Variants in PPP4R4 observed in about 807,000 individuals in gnomAD.
PPP4R4 encodes protein phosphatase 4 regulatory subunit 4.
A neutral mutation model predicts 121.8 loss-of-function variants in PPP4R4; 70 were observed. The ratio of observed to expected loss-of-function variants is 0.57; its 90% CI spans 0.47 to 0.70. PPP4R4 has a LOEUF of 0.70. Ranked by LOEUF, PPP4R4 falls within the 30% of genes least tolerant of loss-of-function variation. The pLI, the probability that PPP4R4 is intolerant of heterozygous loss-of-function variation, is 0.00. For synonymous variants in PPP4R4, 348 were observed against 355.7 expected (o/e 0.98, Z 0.24); for missense variants, 875 against 1,033.6 (o/e 0.85, Z 2.10).
At position 94,198,028 on chromosome 14, in the gene PPP4R4, G is replaced by T. The variant is rs191374949; in HGVS notation, c.192-10436G>T. Among the ~76,000 whole-genome samples, 199 of 152,272 alleles carry T rather than the reference G, an allele frequency of 1.3e-3. 1 individual carries two copies. The Middle Eastern group carries it at 0.024, about 18-fold the overall frequency. On this transcript the variant is annotated intron_variant, in intron 2 of 24. Transcript: ENST00000304338. ...CATTAAAGTGTTTATGTGAACATAT[G>T]CTGTTATTTCCCTTGGATAAATGTC... is the stretch of plus-strand genomic sequence containing the variant.
At chr14:94,190,650 T>G (rs992858279) in intron 2 of PPP4R4, among the ~76,000 whole-genome samples, 1 of 152,014 alleles carries the variant, frequency 6.6e-6, no homozygotes, top group African/African-American at 2.4e-5. Flanking sequence ...TTAAAGGAAT[T>G]TTTACTGCTA....
chr14:94,226,584 A>T lies in PPP4R4; in HGVS notation c.295-4003A>T, dbSNP rs147216027. Among the ~76,000 whole-genome samples the T allele has an allele frequency of 3.4e-3, 511 of 152,214 alleles. 4 individuals carry two copies. Among genetic ancestry groups the T allele is most frequent in the African/African-American group, 0.012 (493 of 41,546 alleles). The stretch of plus-strand genomic sequence containing the variant: ...ATTATTCATATTTAACCTATTTGAA[A>T]GTCTTTTATAAATATCATGATTTTA... On this transcript the variant is annotated intron_variant, in intron 3 of 24. Transcript: ENST00000304338.
intron 19 of PPP4R4, among the ~76,000 whole-genome samples, chr14:94,261,035 T>C (rs1467817857): frequency 6.6e-6 from 1 of 152,174 alleles, no homozygotes. Context: ...CAGCACCATT[T>C]GTTAAAAAGC....
At chr14:94,189,881 T>C (rs1325069257) in intron 2 of PPP4R4, among the ~76,000 whole-genome samples, 1 of 152,198 alleles carries the variant, frequency 6.6e-6, no homozygotes, top group Non-Finnish European at 1.5e-5. Flanking sequence ...TAAAGCATTA[T>C]TGGATTGTGT....
At chr14:94,183,239 G>A (rs947966057) in intron 2 of PPP4R4, among the ~76,000 whole-genome samples, 3 of 152,042 alleles carry the variant, frequency 2.0e-5, no homozygotes, top group South Asian at 4.2e-4. Flanking sequence ...TGCTTTTAAT[G>A]ATTCTAAGAG....
In PPP4R4 at chr14:94,230,716, C is replaced by A; in HGVS notation, c.424C>A (p.Leu142Met). 1 of 1,613,484 alleles carries A rather than the reference C, an allele frequency of 6.2e-7. No individual in the cohort carries two copies. The highest frequency in any genetic ancestry group is 8.5e-7 in the Non-Finnish European group (1 of 1,179,544). ...ATTCCTCCAAGTCATTCTCCTGCATCTGGAGCACAGGGACACAGGTCAGGG... is the reference window on the plus strand; with the variant it reads ...ATTCCTCCAAGTCATTCTCCTGCATATGGAGCACAGGGACACAGGTCAGGG... ...HSFLQVILLH[L>M]EHRDTGVSNA... The change falls in exon 4 of 25, where the codon CTG becomes ATG. Residue 142 changes from leucine (L) to methionine (M), a missense_variant. Coordinates refer to ENST00000304338, the MANE Select transcript of PPP4R4 (RefSeq NM_058237.2).
intron 19 of PPP4R4, among the ~76,000 whole-genome samples, chr14:94,261,633 T>C (rs767091540): frequency 6.6e-6 from 1 of 152,042 alleles, no homozygotes; most frequent in African/African-American, 2.4e-5. Context: ...GGCATCCTTG[T>C]CTTTTTACTG....
At chr14:94,275,265 A>T in intron 23 of PPP4R4, 109 bp from the exon 24 acceptor site, 1 of 1,255,752 alleles carries the variant, frequency 8.0e-7, no homozygotes, top group South Asian at 1.4e-5. Flanking sequence ...ACCCTCATAA[A>T]ATTGATTTAA....
intron 17 of PPP4R4, among the ~76,000 whole-genome samples, chr14:94,257,903 T>A (rs1893564957): frequency 6.6e-6 from 1 of 152,162 alleles, no homozygotes; most frequent in Non-Finnish European, 1.5e-5. Context: ...GTACAGCTCT[T>A]ATTTTCAGTA....
At chr14:94,208,830 G>A (rs952053788) in intron 3 of PPP4R4, among the ~76,000 whole-genome samples, 1 of 151,308 alleles carries the variant, frequency 6.6e-6, no homozygotes, top group Non-Finnish European at 1.5e-5. Context: ...GTTTTTAGTA[G>A]CTCAAAAACA....
chr14:94,195,686 G>T (rs1393476284), intron 2 of PPP4R4, among the ~76,000 whole-genome samples: 1 of 151,546 alleles, frequency 6.6e-6, no homozygotes, highest in Non-Finnish European at 1.5e-5. Flanking sequence ...AAAAAAAAAT[G>T]TCCCTAGACC....
chr14:94,235,027 T>A (rs1243168012), intron 7 of PPP4R4, among the ~76,000 whole-genome samples: 1 of 152,210 alleles, frequency 6.6e-6, no homozygotes, highest in East Asian at 1.9e-4. Context: ...AGGACCTCTT[T>A]TGGATACCAA....
intron 5 of PPP4R4, among the ~76,000 whole-genome samples, chr14:94,232,591 TTATTC>T: frequency 1.3e-5 from 2 of 152,352 alleles, no homozygotes; most frequent in African/African-American, 4.8e-5. Context: ...GATATGTAAT[TTATTC>T]TAAACTTTTC....
At chr14:94,261,479 A>T (rs1214455306) in intron 19 of PPP4R4, among the ~76,000 whole-genome samples, 1 of 152,070 alleles carries the variant, frequency 6.6e-6, no homozygotes, top group Non-Finnish European at 1.5e-5. Context: ...ATTTTCTAAA[A>T]CTAAAATTTT....
intron 16 of PPP4R4, among the ~76,000 whole-genome samples, chr14:94,252,686 A>G (rs1008275758): frequency 1.3e-5 from 2 of 152,166 alleles, no homozygotes; most frequent in Non-Finnish European, 2.9e-5. Flanking sequence ...CTGTGTCTCT[A>G]TTTTGAACTT....
At chr14:94,206,201 A>G (rs939686655) in intron 2 of PPP4R4, among the ~76,000 whole-genome samples, 1 of 151,562 alleles carries the variant, frequency 6.6e-6, no homozygotes, top group East Asian at 1.9e-4. Flanking sequence ...CATCTCTTTT[A>G]TCATTTTATA....
At chr14:94,276,555 A>G (rs1338839472) in intron 24 of PPP4R4, among the ~76,000 whole-genome samples, 1 of 152,184 alleles carries the variant, frequency 6.6e-6, no homozygotes, top group Non-Finnish European at 1.5e-5. Context: ...AGGAGAGAGA[A>G]AGTGGGGTTG....
rs375058659 is a variant in PPP4R4, at chr14:94,241,931, C to T, written c.1120C>T (p.Arg374Trp). Residue 374 changes from arginine (R) to tryptophan (W), a missense_variant, in exon 10 of 25, where the codon CGG becomes TGG. Physicochemically the swap from Arg to Trp is moderately radical, Grantham distance 101. Transcript: ENST00000304338. ...GCAGGAGAAGAAATATATTTCAGTA[C>T]GGAAGAACTGTGCTTATAACTTTCC... ...LEQEKKYISVRKNCAYNFPAM... is the reference protein window; with the variant it reads ...LEQEKKYISVWKNCAYNFPAM... 35 of 1,603,098 alleles carry T rather than the reference C, an allele frequency of 2.2e-5. No homozygotes were observed. Among genetic ancestry groups the T allele is most frequent in the Middle Eastern group, 1.6e-4 (1 of 6,066 alleles).
intron 8 of PPP4R4, 124 bp downstream of exon 8, chr14:94,237,810 T>C: frequency 8.1e-7 from 1 of 1,239,232 alleles, no homozygotes; most frequent in Non-Finnish European, 1.1e-6. Context: ...TCTCCCTCTT[T>C]TTATGATTCA....
Sources: gnomAD v4.1 joint callset for allele counts (sites outside exome capture counted in the v4.1 genomes callset) on GRCh38, gnomAD v4.1.1 for gene constraint, MANE v1.5 for transcripts, NCBI Gene and HGNC (gene_info 2026-07-23, HGNC 2026-07-21) for gene names.